Variants in EPB41L4A observed in about 807,000 individuals in gnomAD.
The protein encoded by EPB41L4A is erythrocyte membrane protein band 4.1 like 4A.
A neutral mutation model predicts 108.6 loss-of-function variants in EPB41L4A; 100 were observed. The observed-to-expected ratio is 0.92, with a 90% CI of 0.78 to 1.09. The LOEUF is 1.09. Ranked by LOEUF, EPB41L4A falls within the 50% of genes least tolerant of loss-of-function variation. The pLI is 0.00. For missense variants in EPB41L4A, 1,030 were observed against 842.7 expected (o/e 1.22, Z -2.75); for synonymous variants, 319 against 289.0 (o/e 1.10, Z -1.05).
intron 10 of EPB41L4A, among the ~76,000 whole-genome samples, chr5:112,240,518 A>C (rs562601256): frequency 7.2e-5 from 11 of 152,264 alleles, no homozygotes; most frequent in African/African-American, 9.6e-5. Context: ...ATCTATGTGT[A>C]TAAGTGCCTA....
At chr5:112,275,195 T>C in intron 4 of EPB41L4A, 131 bp downstream of exon 4, 1 of 1,175,842 alleles carries the variant, frequency 8.5e-7, no homozygotes, top group Non-Finnish European at 1.2e-6. Context: ...AATTTTACCC[T>C]CTAAGGAGAT....
At chr5:112,182,014 A>C (rs1761182433) in intron 18 of EPB41L4A, among the ~76,000 whole-genome samples, 1 of 151,960 alleles carries the variant, frequency 6.6e-6, no homozygotes, top group Non-Finnish European at 1.5e-5. Context: ...CAGAGGTTGC[A>C]GTGAGCCAGG....
chr5:112,343,777 C>T (rs1182745188), intron 1 of EPB41L4A, among the ~76,000 whole-genome samples: 1 of 152,164 alleles, frequency 6.6e-6, no homozygotes, highest in Non-Finnish European at 1.5e-5. Flanking sequence ...GAGAGAAAAC[C>T]ACTGTTTCTG....
intron 4 of EPB41L4A, among the ~76,000 whole-genome samples, chr5:112,271,081 A>C (rs1752233973): frequency 6.6e-6 from 1 of 152,140 alleles, no homozygotes; most frequent in African/African-American, 2.4e-5. Flanking sequence ...TCACCACTGA[A>C]ACTCCTTTTA....
At chr5:112,196,128 G>A (rs998021908) in intron 15 of EPB41L4A, among the ~76,000 whole-genome samples, 8 of 151,924 alleles carry the variant, frequency 5.3e-5, no homozygotes, top group Admixed American at 2.0e-4. Context: ...TCATACTTAC[G>A]ACTTTATCAT....
intron 1 of EPB41L4A, among the ~76,000 whole-genome samples, chr5:112,353,527 A>G (rs776330956): frequency 6.6e-6 from 1 of 150,470 alleles, no homozygotes; most frequent in Non-Finnish European, 1.5e-5. Flanking sequence ...GTAGGTGGGT[A>G]GCGTTGGTGG....
intron 18 of EPB41L4A, 110 bp from the exon 19 acceptor site, chr5:112,171,102 A>G: frequency 1.0e-6 from 1 of 955,002 alleles, no homozygotes; most frequent in Non-Finnish European, 1.6e-6. Context: ...CCAGCTGAGA[A>G]CAGACAAGGA....
At chr5:112,209,730 T>C (rs1216874701) in intron 13 of EPB41L4A, among the ~76,000 whole-genome samples, 162 bp downstream of exon 13, 13 of 152,246 alleles carry the variant, frequency 8.5e-5, no homozygotes, top group Admixed American at 6.5e-4. Context: ...TTATATTTCA[T>C]TGGTGTTTTA....
At chr5:112,364,295 G>T (rs1415506569) in intron 1 of EPB41L4A, among the ~76,000 whole-genome samples, 2 of 152,108 alleles carry the variant, frequency 1.3e-5, no homozygotes, top group Non-Finnish European at 2.9e-5. Flanking sequence ...CTAAGTGCTG[G>T]GATTATAGAC....
At chr5:112,184,173 A>G (rs1185721220) in intron 17 of EPB41L4A, 38 bp from the exon 18 acceptor site, 4 of 1,608,666 alleles carry the variant, frequency 2.5e-6, no homozygotes, top group Non-Finnish European at 3.4e-6. Flanking sequence ...TAACATCTAC[A>G]TGGATGGCGC....
At chr5:112,319,488 T>C (rs954253888) in intron 1 of EPB41L4A, among the ~76,000 whole-genome samples, 2 of 152,086 alleles carry the variant, frequency 1.3e-5, no homozygotes, top group African/African-American at 4.8e-5. Flanking sequence ...ATGAGTACAT[T>C]AGGGTCAAAG....
At chr5:112,207,576 AGAT>A (rs1332327362) in intron 13 of EPB41L4A, among the ~76,000 whole-genome samples, 1 of 152,220 alleles carries the variant, frequency 6.6e-6, no homozygotes, top group Non-Finnish European at 1.5e-5. Context: ...CAATTCAACA[AGAT>A]GAAACAAACA....
At chr5:112,419,790 G>A (rs71579184), upstream of EPB41L4A, 2,127 of 456,758 alleles carry the variant, frequency 4.7e-3, 17 homozygotes, top group Non-Finnish European at 6.7e-3. Context: ...AGCTCGTCGC[G>A]GGGTGTGGCT....
chr5:112,184,028 T>C lies in EPB41L4A; in HGVS notation c.1610A>G (p.His537Arg), dbSNP rs1761296554. ...AGAGTCCACATACGAACGAGATCTG[T>C]GTCTGGATCGCCTGTTGTTGGGGTC... ...QADPNNRRSR[H>R]RSRSRSPDIQ... Residue 537 changes from histidine to arginine, a missense_variant, in exon 18 of 23, where the codon CAC (histidine) becomes CGC (arginine). Physicochemically the swap from His to Arg is conservative, Grantham distance 29. Transcript: ENST00000261486. 1 of 1,613,918 alleles carries C rather than the reference T, an allele frequency of 6.2e-7. No individual in the cohort carries two copies. The highest frequency in any genetic ancestry group is 1.7e-5 in the Admixed American group (1 of 60,004).
chr5:112,391,232 T>C (rs7714450), intron 1 of EPB41L4A, among the ~76,000 whole-genome samples: 21,506 of 152,160 alleles, frequency 0.14, 4,230 homozygotes, highest in African/African-American at 0.44. Context: ...CTTTGATGAG[T>C]TGACAGAAGT....
intron 11 of EPB41L4A, 28 bp downstream of exon 11, chr5:112,239,632 T>C (rs1749626224): frequency 7.0e-7 from 1 of 1,432,410 alleles, no homozygotes; most frequent in Non-Finnish European, 9.6e-7. Flanking sequence ...TACAAACACA[T>C]CCCCCCAAGG....
Position 112,163,712 on chromosome 5 carries a change from C to A in EPB41L4A, c.*1278G>T, listed in dbSNP as rs1488686291. ...AAGATACTGCTTGCAAGAAAACTGG[C>A]TGAGAATGAGAGGAAAATCTTAGTT... On this transcript the variant is annotated 3_prime_UTR_variant, in exon 23 of 23. Coordinates refer to ENST00000261486, the MANE Select transcript of EPB41L4A (RefSeq NM_022140.5). The A allele has an allele frequency of 1.3e-5, 2 of 152,112 alleles. No individual in the cohort carries two copies. Among genetic ancestry groups the A allele is most frequent in the Non-Finnish European group, 2.9e-5 (2 of 68,024 alleles). 9.4% of individuals were successfully genotyped at this position (152,112 alleles called of 1,614,324 possible).
intron 12 of EPB41L4A, among the ~76,000 whole-genome samples, chr5:112,156,640 G>C (rs557437352): frequency 6.6e-6 from 1 of 152,262 alleles, no homozygotes; most frequent in South Asian, 2.1e-4. Context: ...ATAATGTTTA[G>C]CTAGATGGCT....
intron 1 of EPB41L4A, among the ~76,000 whole-genome samples, chr5:112,388,673 G>C (rs756030648): frequency 6.6e-6 from 1 of 152,180 alleles, no homozygotes; most frequent in Admixed American, 6.5e-5. Flanking sequence ...GCAGTGGACA[G>C]CTATCTCAAA....
Sources: gnomAD v4.1 joint callset for allele counts (sites outside exome capture counted in the v4.1 genomes callset) on GRCh38, gnomAD v4.1.1 for gene constraint, MANE v1.5 for transcripts, NCBI Gene and HGNC (gene_info 2026-07-23, HGNC 2026-07-21) for gene names.